The following SH3BGR variants were observed in gnomAD, a reference collection of about 807,000 sequenced individuals.
The protein encoded by SH3BGR is SH3 domain-binding glutamic acid-rich protein.
In SH3BGR, 29 loss-of-function variants were observed where a neutral mutation model predicts 24.5. The ratio of observed to expected loss-of-function variants is 1.18; its 90% CI spans 0.88 to 1.61. The LOEUF (loss-of-function observed/expected upper bound fraction) is 1.61. SH3BGR is among the 40% of genes most tolerant of loss of function. The pLI is 0.00. For synonymous variants in SH3BGR, 55 were observed against 65.7 expected, an observed-to-expected ratio of 0.84 and a Z score of 0.79; for missense variants, 162 against 205.8, an observed-to-expected ratio of 0.79 and a Z score of 1.30.
chr21:39,488,639 A>G (rs537248526), intron 3 of SH3BGR: 17 of 341,026 alleles, frequency 5.0e-5, no homozygotes, highest in South Asian at 5.0e-4. Flanking sequence ...GTGTTTGACA[A>G]GGAAGAGAAG....
At chr21:39,471,650 C>T (rs963972673) in intron 2 of SH3BGR, among the ~76,000 whole-genome samples, 3 of 151,894 alleles carry the variant, frequency 2.0e-5, no homozygotes, top group Admixed American at 2.0e-4. Context: ...AAAATAGAGA[C>T]AGAGTCTTGC....
chr21:39,455,577 T>C (rs1390815555), intron 1 of SH3BGR, among the ~76,000 whole-genome samples: 1 of 152,228 alleles, frequency 6.6e-6, no homozygotes, highest in Admixed American at 6.5e-5. Context: ...AGCTGCACTT[T>C]GCAGGCCCAC....
At chr21:39,485,356 G>A (rs1353187098) in intron 3 of SH3BGR, among the ~76,000 whole-genome samples, 1 of 152,084 alleles carries the variant, frequency 6.6e-6, no homozygotes, top group Non-Finnish European at 1.5e-5. Context: ...CAGAGGAATC[G>A]GGCAGGGAGA....
At chr21:39,447,528 G>A (rs757784502), upstream of SH3BGR, among the ~76,000 whole-genome samples, 1 of 146,992 alleles carries the variant, frequency 6.8e-6, no homozygotes, top group East Asian at 2.0e-4. Context: ...TGATTCTCCT[G>A]CATCAGCCTC....
intron 3 of SH3BGR, among the ~76,000 whole-genome samples, chr21:39,486,091 A>T (rs901024103): frequency 6.6e-6 from 1 of 152,228 alleles, no homozygotes; most frequent in Admixed American, 6.5e-5. Context: ...TTCATGAAAG[A>T]TGAAGCATTT....
At chr21:39,479,523 T>C (rs1057463925) in intron 3 of SH3BGR, among the ~76,000 whole-genome samples, 1 of 151,866 alleles carries the variant, frequency 6.6e-6, no homozygotes. Flanking sequence ...GGGAGATAAA[T>C]CTGGCTGCCA....
chr21:39,475,858 G>A (rs961694676), intron 3 of SH3BGR, among the ~76,000 whole-genome samples: 1 of 152,174 alleles, frequency 6.6e-6, no homozygotes, highest in African/African-American at 2.4e-5. Context: ...TGTGGATAGG[G>A]ATGGATTCCA....
At chr21:39,451,070 C>A (rs2077568885), upstream of SH3BGR, among the ~76,000 whole-genome samples, 1 of 152,152 alleles carries the variant, frequency 6.6e-6, no homozygotes, top group African/African-American at 2.4e-5. Context: ...ATCCTCCTGC[C>A]TTGACCTCCC....
chr21:39,450,388 A>C (rs1301480068), upstream of SH3BGR, among the ~76,000 whole-genome samples: 1 of 152,218 alleles, frequency 6.6e-6, no homozygotes, highest in African/African-American at 2.4e-5. Flanking sequence ...ATGTAGGGGC[A>C]TTTAAGCGAT....
chr21:39,468,768 C>A (rs1476352862), intron 2 of SH3BGR, among the ~76,000 whole-genome samples: 1 of 152,138 alleles, frequency 6.6e-6, no homozygotes, highest in African/African-American at 2.4e-5. Flanking sequence ...CCTTTGTCTT[C>A]TTTTACCTCC....
chr21:39,494,013 G>A (rs1466388252), intron 3 of SH3BGR, among the ~76,000 whole-genome samples: 1 of 151,994 alleles, frequency 6.6e-6, no homozygotes, highest in African/African-American at 2.4e-5. Flanking sequence ...GCTTTTTGGA[G>A]GAGTCTTTGG....
At chr21:39,474,032 A>T (rs372761279) in intron 2 of SH3BGR, among the ~76,000 whole-genome samples, 1 of 152,078 alleles carries the variant, frequency 6.6e-6, no homozygotes, top group South Asian at 2.1e-4. Context: ...TAGTGGCACA[A>T]TCACAGCTCA....
chr21:39,479,246 GGTGGTGGTGGTGATGGTA>G (rs2031279135), intron 3 of SH3BGR, among the ~76,000 whole-genome samples: 1 of 148,108 alleles, frequency 6.8e-6, no homozygotes, highest in South Asian at 2.1e-4. Context: ...TGGTGGTGGT[GGTGGTGGTGGTGATGGTA>G]GTGCTGGTGG....
At chr21:39,512,510 G>C (rs1490871663) in intron 6 of SH3BGR, among the ~76,000 whole-genome samples, 1 of 152,198 alleles carries the variant, frequency 6.6e-6, no homozygotes, top group Non-Finnish European at 1.5e-5. Flanking sequence ...CCACATATTA[G>C]TGAACATTTA....
chr21:39,486,546 A>G (rs984126978), intron 3 of SH3BGR, among the ~76,000 whole-genome samples: 15 of 152,270 alleles, frequency 9.9e-5, no homozygotes, highest in African/African-American at 3.6e-4. Context: ...TATTAATAAA[A>G]CTGTATGAGT....
At chr21:39,451,863 A>G (rs1259354873), upstream of SH3BGR, 1 of 1,595,314 alleles carries the variant, frequency 6.3e-7, no homozygotes, top group East Asian at 2.3e-5. Context: ...TATTTTCCTG[A>G]CAGATCCCAA....
In SH3BGR at chr21:39,472,033, C is replaced by T. The variant is rs183414219; in HGVS notation, c.232-3102C>T. 3.5e-3 allele frequency among the ~76,000 whole-genome samples: 537 copies of T among 152,018 alleles called. 2 individuals are homozygous for T. The highest frequency in any genetic ancestry group is 0.012 in the African/African-American group (513 of 41,460). ...ATCTGATTCTGATTTTTAATTCCACCTTCTGTTATTTCTTCATGCTCTCAC... is the reference window on the plus strand; with the variant it reads ...ATCTGATTCTGATTTTTAATTCCACTTTCTGTTATTTCTTCATGCTCTCAC... On this transcript the variant is annotated intron_variant, in intron 2 of 6. Transcript: ENST00000333634.
upstream of SH3BGR, among the ~76,000 whole-genome samples, chr21:39,448,638 C>A (rs544860187): frequency 1.8e-4 from 28 of 152,212 alleles, no homozygotes; most frequent in African/African-American, 6.7e-4. Context: ...GAGCTGAGAT[C>A]AAGCCACTGC....
chr21:39,466,241 C>A (rs71316676), intron 2 of SH3BGR, among the ~76,000 whole-genome samples: 1 of 152,000 alleles, frequency 6.6e-6, no homozygotes, highest in Non-Finnish European at 1.5e-5. Context: ...CATACTTTTG[C>A]AACTTTGACA....
Sources: allele counts gnomAD v4.1 joint callset (sites outside exome capture counted in the v4.1 genomes callset), GRCh38; gene constraint gnomAD v4.1.1; transcripts MANE v1.5; gene names NCBI Gene and HGNC (gene_info 2026-07-23, HGNC 2026-07-21).